The following PDGFD variants were observed in gnomAD, a reference collection of about 807,000 sequenced individuals.
The protein encoded by PDGFD is platelet derived growth factor D.
In PDGFD, 30 loss-of-function variants were observed where a neutral mutation model predicts 44.7. That is an observed-to-expected ratio of 0.67 (90% CI 0.50 to 0.91). PDGFD has a LOEUF of 0.91. PDGFD is among the 40% of genes least tolerant of loss of function. The pLI is 0.00. For missense variants in PDGFD, 445 were observed against 457.8 expected (o/e 0.97, Z 0.25); for synonymous variants, 173 against 168.4 (o/e 1.03, Z -0.21).
rs1332772891 is a variant in PDGFD, at chr11:104,159,067, C to T, written c.124+4737G>A. 1.5e-4 allele frequency among the ~76,000 whole-genome samples: 23 copies of T among 148,890 alleles called. No homozygotes were observed. In the East Asian group the frequency reaches 3.2e-3, roughly 21 times the overall value. On this transcript the variant is annotated intron_variant, in intron 1 of 6. Transcript: ENST00000393158. The stretch of plus-strand genomic sequence containing the variant: ...ACTCGGGAGGCTGAGGCAGGAGAAT[C>T]GCTTGAACCTGGGAGGCGGAGGTTG...
chr11:104,159,843 T>C (rs1361698894), intron 1 of PDGFD, among the ~76,000 whole-genome samples: 2 of 152,160 alleles, frequency 1.3e-5, no homozygotes, highest in Non-Finnish European at 2.9e-5. Flanking sequence ...CATCCTCCAC[T>C]ACATAGTACA....
At chr11:103,976,454 T>C (rs1859186802) in intron 3 of PDGFD, among the ~76,000 whole-genome samples, 1 of 152,184 alleles carries the variant, frequency 6.6e-6, no homozygotes, top group African/African-American at 2.4e-5. Flanking sequence ...TTTCTAAATA[T>C]ACAATCATGT....
At chr11:103,972,203 T>C (rs921138498) in intron 3 of PDGFD, among the ~76,000 whole-genome samples, 10 of 152,124 alleles carry the variant, frequency 6.6e-5, no homozygotes, top group African/African-American at 2.4e-4. Context: ...TTTGCTAGAG[T>C]TGGGGATGGG....
intron 1 of PDGFD, among the ~76,000 whole-genome samples, chr11:104,155,046 C>A (rs1862288803): frequency 6.6e-6 from 1 of 152,186 alleles, no homozygotes. Context: ...AGAGTCTAAT[C>A]CAAAGCGCCA....
At chr11:104,114,930 T>C (rs1861611612) in intron 1 of PDGFD, among the ~76,000 whole-genome samples, 1 of 151,666 alleles carries the variant, frequency 6.6e-6, no homozygotes, top group Non-Finnish European at 1.5e-5. Context: ...TGTTGGGGAA[T>C]AGGTGGTGTT....
chr11:103,915,059 C>T (rs2134301430), intron 6 of PDGFD, among the ~76,000 whole-genome samples: 1 of 152,298 alleles, frequency 6.6e-6, no homozygotes, highest in South Asian at 2.1e-4. Context: ...CCCTCTCTCA[C>T]CACTCCTATT....
intron 1 of PDGFD, among the ~76,000 whole-genome samples, chr11:104,000,786 G>A (rs10895559): frequency 0.3 from 45,313 of 151,940 alleles, 8,033 homozygotes; most frequent in Admixed American, 0.48. Context: ...CTTCCACCAC[G>A]AAAAATCATA....
intron 1 of PDGFD, among the ~76,000 whole-genome samples, chr11:104,110,903 TA>T (rs1861544813): frequency 6.6e-6 from 1 of 152,072 alleles, no homozygotes; most frequent in South Asian, 2.1e-4. Context: ...ATAGAAGGAA[TA>T]AAAACTAAAA....
intron 1 of PDGFD, among the ~76,000 whole-genome samples, chr11:104,085,807 A>G (rs775820551): frequency 5.3e-5 from 8 of 152,166 alleles, no homozygotes; most frequent in Non-Finnish European, 7.3e-5. Flanking sequence ...CATTATCTCT[A>G]GGAAAGCCCT....
In PDGFD at chr11:103,927,104, A is replaced by G. The variant is rs1224535464; in HGVS notation, c.795T>C (p.Asp265=). 3 of 1,614,156 alleles carry G rather than the reference A, an allele frequency of 1.9e-6. No individual in the cohort carries two copies. Among genetic ancestry groups the G allele is most frequent in the Admixed American group, 1.7e-5 (1 of 60,016 alleles). Residue 265 remains aspartate, a synonymous_variant, in exon 6 of 7, where the codon GAT becomes GAC. Transcript: ENST00000393158. The stretch of plus-strand genomic sequence containing the variant: ...GAGTGCAACTGTAACGCTTGGCATC[A>G]TCATTGAGCCTATCCAGGTCAACTG... ...KSKVDLDRLN[D]DAKRYSCTPR...
chr11:104,118,947 TA>T (rs1861692136), intron 1 of PDGFD, among the ~76,000 whole-genome samples: 1 of 86,990 alleles, frequency 1.1e-5, no homozygotes, highest in Non-Finnish European at 2.0e-5. Context: ...TATATTATAA[TA>T]ATATATCATA....
In PDGFD at chr11:104,086,742, A is replaced by C. The variant is rs375276222; in HGVS notation, c.124+77062T>G. Among the ~76,000 whole-genome samples, 5 of 152,328 alleles carry C rather than the reference A, an allele frequency of 3.3e-5. No homozygotes were observed. In the East Asian group the frequency reaches 9.6e-4, roughly 29 times the overall value. The stretch of plus-strand genomic sequence containing the variant: ...GCTCAATTCCCTTAGAGCATAATAC[A>C]TAAACAAAATTATTTTACTGAAGTG... On this transcript the variant is annotated intron_variant, in intron 1 of 6. Transcript: ENST00000393158.
chr11:103,954,378 T>C (rs1858805590), intron 3 of PDGFD, among the ~76,000 whole-genome samples: 2 of 152,218 alleles, frequency 1.3e-5, no homozygotes. Context: ...TGCAGACAGC[T>C]GTTCACAGAC....
intron 1 of PDGFD, chr11:104,037,895 C>T (rs1860279712): frequency 1.2e-6 from 2 of 1,614,154 alleles, no homozygotes; most frequent in Non-Finnish European, 1.7e-6. Context: ...GGCACGCAGA[C>T]TTATTTTCTT....
At position 103,907,939 on chromosome 11, in the gene PDGFD, A is replaced by G. The variant is rs1857962423; in HGVS notation, c.*1755T>C. 6.6e-6 allele frequency: 1 copy of G among 152,234 alleles called. No individual in the cohort carries two copies. The highest frequency in any genetic ancestry group is 1.5e-5 in the Non-Finnish European group (1 of 68,042). The allele number at this position is 152,234 out of a possible 1,614,324, so 9.4% of individuals were successfully genotyped here. A position where few individuals can be genotyped will look rare whatever the true frequency, so the allele number is the denominator to read the frequency against. Reference sequence around the variant, plus strand: ...CACTTTTAGGAAAGTTTTAGAAGGTACATCTTCAATAAGCAGAGATCTTTC... The same window carrying G: ...CACTTTTAGGAAAGTTTTAGAAGGTGCATCTTCAATAAGCAGAGATCTTTC... On this transcript the variant is annotated 3_prime_UTR_variant, in exon 7 of 7. Transcript: ENST00000393158.
intron 1 of PDGFD, among the ~76,000 whole-genome samples, chr11:104,058,285 T>C (rs1341145547): frequency 1.3e-5 from 2 of 152,234 alleles, no homozygotes; most frequent in Non-Finnish European, 2.9e-5. Flanking sequence ...TAAAACACGT[T>C]ATACATTCAC....
intron 3 of PDGFD, among the ~76,000 whole-genome samples, chr11:103,965,651 T>G (rs571858390): frequency 2.6e-5 from 4 of 152,040 alleles, no homozygotes; most frequent in African/African-American, 9.6e-5. Context: ...AGGGTTGGGG[T>G]TGGGTAGAGT....
intron 1 of PDGFD, among the ~76,000 whole-genome samples, chr11:104,143,767 T>A (rs1862120128): frequency 6.6e-6 from 1 of 152,186 alleles, no homozygotes; most frequent in African/African-American, 2.4e-5. Flanking sequence ...ATGAATCAAG[T>A]GAAACTCACT....
chr11:104,127,063 C>T (rs1002919917), intron 1 of PDGFD, among the ~76,000 whole-genome samples: 5 of 152,048 alleles, frequency 3.3e-5, no homozygotes, highest in African/African-American at 1.2e-4. Flanking sequence ...CACACTAGCT[C>T]GGCTTTTTCC....
Sources: allele counts gnomAD v4.1 joint callset (sites outside exome capture counted in the v4.1 genomes callset), GRCh38; gene constraint gnomAD v4.1.1; transcripts MANE v1.5; gene names NCBI Gene and HGNC (gene_info 2026-07-23, HGNC 2026-07-21).